QRFPR: variants seen among roughly 807,000 people sequenced by gnomAD.
The protein encoded by QRFPR is pyroglutamylated RF-amide peptide receptor.
QRFPR carries 37 observed loss-of-function variants against 31.3 expected under a neutral mutation model. That is an observed-to-expected ratio of 1.18 (90% CI 0.91 to 1.56). The LOEUF is 1.56. QRFPR is among the 40% of genes most tolerant of loss of function. QRFPR has a pLI of 0.00. For synonymous variants in QRFPR, 197 were observed against 192.0 expected (o/e 1.03, Z -0.22); for missense variants, 542 against 532.5 (o/e 1.02, Z -0.18).
At chr4:121,378,265 A>G (rs1726394532) in intron 1 of QRFPR, among the ~76,000 whole-genome samples, 3 of 152,204 alleles carry the variant, frequency 2.0e-5, no homozygotes, top group African/African-American at 7.2e-5. Context: ...TTCTCCATGA[A>G]GTAAGAAGCA....
intron 1 of QRFPR, among the ~76,000 whole-genome samples, chr4:121,365,564 ATTATATATAAT>A (rs1726097001): frequency 3.8e-4 from 2 of 5,218 alleles, no homozygotes; most frequent in East Asian, 0.01. Flanking sequence ...TATAATATAT[ATTATATATAAT>A]ATATATTATA....
Position 121,366,648 on chromosome 4 carries a change from G to C in QRFPR, c.340+13660C>G, listed in dbSNP as rs1726139430. Among the ~76,000 whole-genome samples the C allele has an allele frequency of 4.0e-5, 6 of 149,974 alleles. 1 individual carries two copies. The South Asian group carries it at 1.3e-3, about 32-fold the overall frequency. ...GTAGCACTGAGAGTGAACAAAGTGA[G>C]ACTAGCAGAAGAACCATCCAGATGA... On this transcript the variant is annotated intron_variant, in intron 1 of 5. Transcript: ENST00000394427.
chr4:121,361,976 G>A (rs1253419130), intron 1 of QRFPR, among the ~76,000 whole-genome samples: 1 of 150,114 alleles, frequency 6.7e-6, no homozygotes, highest in Non-Finnish European at 1.5e-5. Context: ...TGCCAGTGAA[G>A]CAACCACTTT....
intron 1 of QRFPR, among the ~76,000 whole-genome samples, chr4:121,361,161 A>AAATACAAAT (rs1183198453): frequency 7.3e-5 from 11 of 151,150 alleles, no homozygotes; most frequent in African/African-American, 2.7e-4. Flanking sequence ...AATTATAATT[A>AAATACAAAT]GAGAAATTTG....
intron 1 of QRFPR, chr4:121,369,666 G>A (rs752499412): frequency 6.3e-7 from 1 of 1,582,472 alleles, no homozygotes; most frequent in Non-Finnish European, 8.7e-7. Flanking sequence ...AGGGATCTCA[G>A]TCCAAAGAGG....
intron 1 of QRFPR, among the ~76,000 whole-genome samples, chr4:121,366,546 T>C (rs904926722): frequency 5.8e-5 from 6 of 103,804 alleles, no homozygotes; most frequent in Non-Finnish European, 1.0e-4. Flanking sequence ...GAGGAAACCA[T>C]GTGGGACAGG....
chr4:121,337,627 C>T (rs1387069137), intron 2 of QRFPR, among the ~76,000 whole-genome samples: 1 of 151,984 alleles, frequency 6.6e-6, no homozygotes, highest in Non-Finnish European at 1.5e-5. Context: ...ATCAAATGTA[C>T]ATTTATCTTA....
At chr4:121,340,298 T>C (rs888128033) in intron 2 of QRFPR, 154 bp downstream of exon 2, 3 of 767,498 alleles carry the variant, frequency 3.9e-6, no homozygotes, top group Non-Finnish European at 6.4e-6. Flanking sequence ...GGTGTGGAGA[T>C]GAAGGCAAAC....
At chr4:121,369,508 C>T (rs556631004) in intron 1 of QRFPR, 48 of 1,451,206 alleles carry the variant, frequency 3.3e-5, no homozygotes, top group South Asian at 2.7e-4. Flanking sequence ...TCCTCCCTTC[C>T]GTCACTGGGA....
intron 1 of QRFPR, among the ~76,000 whole-genome samples, chr4:121,365,565 T>TAA (rs1424163522): frequency 4.2e-4 from 7 of 16,666 alleles, no homozygotes; most frequent in Non-Finnish European, 6.1e-4. Flanking sequence ...ATAATATATA[T>TAA]TATATATAAT....
intron 1 of QRFPR, among the ~76,000 whole-genome samples, chr4:121,344,953 T>C (rs1725614937): frequency 6.6e-6 from 1 of 152,238 alleles, no homozygotes; most frequent in South Asian, 2.1e-4. Flanking sequence ...GCATAGGAAC[T>C]GTTTACTTGG....
chr4:121,373,780 C>T (rs968593655), intron 1 of QRFPR, among the ~76,000 whole-genome samples: 5 of 152,196 alleles, frequency 3.3e-5, no homozygotes, highest in African/African-American at 9.7e-5. Flanking sequence ...CAACAACCTC[C>T]TTTAATTCAT....
At chr4:121,369,426 G>T in intron 1 of QRFPR, 2 of 797,518 alleles carry the variant, frequency 2.5e-6, no homozygotes, top group Non-Finnish European at 4.2e-6. Flanking sequence ...GGAAAGAAAG[G>T]GCTCTAGAAG....
rs765503930 is a variant in QRFPR, at chr4:121,328,738, T to A, written c.*576A>T. Among the ~76,000 whole-genome samples the A allele has an allele frequency of 3.3e-5, 5 of 152,104 alleles. No homozygotes were observed. The highest frequency in any genetic ancestry group is 1.3e-4 in the Admixed American group (2 of 15,266). On this transcript the variant is annotated 3_prime_UTR_variant, in exon 6 of 6. Coordinates refer to ENST00000394427, the MANE Select transcript of QRFPR (RefSeq NM_198179.3). ...AAATCCACTGAAATAATCTTAAAAG[T>A]ATGGTTTACGAATTTTTCAAAAAAA...
rs869035396 is a variant in QRFPR, at chr4:121,331,656, A to ATTATTG, written c.798-1134_798-1133insCAATAA. Among the ~76,000 whole-genome samples the ATTATTG allele has an allele frequency of 3.5e-5, 5 of 141,864 alleles. No individual in the cohort carries two copies. In the South Asian group the frequency reaches 6.6e-4, roughly 19 times the overall value. 93.1% of individuals were successfully genotyped at this position (141,864 alleles called of 152,430 possible). On this transcript the variant is annotated intron_variant, in intron 4 of 5. Transcript: ENST00000394427. ...TATTATTATTATTATTATTATTATT[A>ATTATTG]TTGTTATTATTATGGAGATGGAGTC... is the stretch of plus-strand genomic sequence containing the variant.
At chr4:121,330,622 C>T (rs1450484210) in intron 4 of QRFPR, 99 bp from the exon 5 acceptor site, 1 of 831,012 alleles carries the variant, frequency 1.2e-6, no homozygotes, top group Non-Finnish European at 2.0e-6. Flanking sequence ...TTCACTCAAA[C>T]ATAATTTTTA....
chr4:121,343,556 A>C (rs1725584690), intron 1 of QRFPR, among the ~76,000 whole-genome samples: 1 of 152,224 alleles, frequency 6.6e-6, no homozygotes, highest in Non-Finnish European at 1.5e-5. Flanking sequence ...AATAGTTACT[A>C]TACTGTGAAT....
At chr4:121,370,273 T>C (rs2110483893) in intron 1 of QRFPR, 2 of 783,758 alleles carry the variant, frequency 2.6e-6, no homozygotes, top group East Asian at 2.4e-5. Flanking sequence ...CGGTATATCC[T>C]GAAGGGCAGG....
chr4:121,337,197 G>A (rs536813107), intron 2 of QRFPR, among the ~76,000 whole-genome samples: 5 of 152,088 alleles, frequency 3.3e-5, no homozygotes, highest in Admixed American at 6.6e-5. Context: ...TCTTCACACC[G>A]CAGTCCTCTA....
Sources: allele counts gnomAD v4.1 joint callset (sites outside exome capture counted in the v4.1 genomes callset), GRCh38; gene constraint gnomAD v4.1.1; transcripts MANE v1.5; gene names NCBI Gene and HGNC (gene_info 2026-07-23, HGNC 2026-07-21).